PAPOLA: variants seen among roughly 807,000 people sequenced by gnomAD.
PAPOLA encodes poly(A) polymerase alpha.
A neutral mutation model predicts 100.6 loss-of-function variants in PAPOLA; 15 were observed. That is an observed-to-expected ratio of 0.15 (90% CI 0.10 to 0.23). The LOEUF is 0.23. Ranked by LOEUF, PAPOLA falls within the 10% of genes least tolerant of loss-of-function variation. PAPOLA has a pLI of 1.00. For missense variants in PAPOLA, 533 were observed against 884.2 expected, an observed-to-expected ratio of 0.60 and a Z score of 5.04; for synonymous variants, 293 against 300.0, an observed-to-expected ratio of 0.98 and a Z score of 0.24.
At chr14:96,510,743 A>G (rs1897059586) in intron 1 of PAPOLA, among the ~76,000 whole-genome samples, 1 of 152,224 alleles carries the variant, frequency 6.6e-6, no homozygotes, top group South Asian at 2.1e-4. Flanking sequence ...TTAAGAATAT[A>G]GTGGGATCTA....
At chr14:96,516,043 T>C (rs1008920602) in intron 1 of PAPOLA, among the ~76,000 whole-genome samples, 9 of 152,182 alleles carry the variant, frequency 5.9e-5, no homozygotes, top group African/African-American at 1.9e-4. Flanking sequence ...TATATAGTTT[T>C]GTTAGAAGGA....
intron 1 of PAPOLA, among the ~76,000 whole-genome samples, chr14:96,510,740 T>C (rs1897059023): frequency 6.6e-6 from 1 of 152,218 alleles, no homozygotes; most frequent in South Asian, 2.1e-4. Context: ...TTTTTAAGAA[T>C]ATAGTGGGAT....
Position 96,537,186 on chromosome 14 carries a change from A to G in PAPOLA, c.1115+126A>G, listed in dbSNP as rs546596394. 3 of 651,804 alleles carry G rather than the reference A, an allele frequency of 4.6e-6. No individual in the cohort carries two copies. The African/African-American group carries it at 5.5e-5, about 12-fold the overall frequency. 40.4% of individuals were successfully genotyped at this position (651,804 alleles called of 1,614,324 possible). On this transcript the variant is annotated intron_variant, in intron 12 of 21. Coordinates refer to ENST00000216277, the MANE Select transcript of PAPOLA (RefSeq NM_032632.5). The stretch of plus-strand genomic sequence containing the variant: ...GAATTTTCTTTCCTGTCACAAGGAC[A>G]TACTGTTTTAGTGAACTCCTTAGTT...
At chr14:96,542,455 C>T (rs943582258) in intron 13 of PAPOLA, 159 bp downstream of exon 13, 1 of 572,452 alleles carries the variant, frequency 1.7e-6, no homozygotes, top group African/African-American at 1.9e-5. Flanking sequence ...GTACAGAAAT[C>T]AGGAGATCCA....
At position 96,566,496 on chromosome 14, in the gene PAPOLA, T is replaced by G. The variant is rs773144502; in HGVS notation, c.*1446T>G. On this transcript the variant is annotated 3_prime_UTR_variant, in exon 22 of 22. Transcript: ENST00000216277. ...TTATGAATCCTCCATTGTGCTCCAT[T>G]CTATCACATGTGCATTTTTCATGTT... 8 of 152,584 alleles carry G rather than the reference T, an allele frequency of 5.2e-5. No individual in the cohort carries two copies. Among genetic ancestry groups the G allele is most frequent in the Non-Finnish European group, 1.0e-4 (7 of 68,012 alleles). The allele number at this position is 152,584 out of a possible 1,614,324, so 9.5% of individuals were successfully genotyped here. A position where few individuals can be genotyped will look rare whatever the true frequency, so the allele number is the denominator to read the frequency against.
At chr14:96,559,192 G>A (rs13379390) in intron 19 of PAPOLA, among the ~76,000 whole-genome samples, 39,837 of 151,634 alleles carry the variant, frequency 0.26, 5,730 homozygotes, top group African/African-American at 0.4. Flanking sequence ...TTCCAGTTAC[G>A]GATCTAGTTA....
At chr14:96,557,187 A>G (rs891692736) in intron 19 of PAPOLA, among the ~76,000 whole-genome samples, 1 of 152,124 alleles carries the variant, frequency 6.6e-6, no homozygotes, top group African/African-American at 2.4e-5. Flanking sequence ...CTGGGACTAC[A>G]GGTGCGCACC....
chr14:96,532,154 T>A (rs1338608498), intron 7 of PAPOLA, 177 bp from the exon 8 acceptor site: 1 of 1,381,166 alleles, frequency 7.2e-7, no homozygotes, highest in African/African-American at 1.5e-5. Context: ...CCCCTCTTTA[T>A]TGAATTAGCT....
chr14:96,565,765 A>G lies in PAPOLA; in HGVS notation c.*715A>G. ...ATACAAATCAGCGATCAGCCAGCAA[A>G]TATTTTTCTTTGAGCTTGTGAAAGC... On this transcript the variant is annotated 3_prime_UTR_variant, in exon 22 of 22. Coordinates refer to ENST00000216277, the MANE Select transcript of PAPOLA (RefSeq NM_032632.5). The G allele has an allele frequency of 2.5e-6, 1 of 398,220 alleles. No homozygotes were observed. The highest frequency in any genetic ancestry group is 4.4e-6 in the Non-Finnish European group (1 of 225,756). The allele number at this position is 398,220 out of a possible 1,614,324, so 24.7% of individuals were successfully genotyped here. A position where few individuals can be genotyped will look rare whatever the true frequency, so the allele number is the denominator to read the frequency against.
At chr14:96,504,998 TAC>T (rs1896612317) in intron 1 of PAPOLA, among the ~76,000 whole-genome samples, 1 of 152,182 alleles carries the variant, frequency 6.6e-6, no homozygotes, top group South Asian at 2.1e-4. Flanking sequence ...TTTAGGATAT[TAC>T]AGAACATTTT....
chr14:96,516,131 C>T (rs978579575), intron 1 of PAPOLA, among the ~76,000 whole-genome samples: 1 of 152,178 alleles, frequency 6.6e-6, no homozygotes, highest in Non-Finnish European at 1.5e-5. Flanking sequence ...ATCTTCACTT[C>T]CATTTAAAGT....
Position 96,511,060 on chromosome 14 carries a change from GT to G in PAPOLA, c.8+8463del, listed in dbSNP as rs1490016685. The stretch of plus-strand genomic sequence containing the variant: ...TGTTACTTTAAATAAGTTAACTGTA[GT>G]TTATCTGATTGGTTTCAAAGAAGAA... On this transcript the variant is annotated intron_variant, in intron 1 of 21. Coordinates refer to ENST00000216277, the MANE Select transcript of PAPOLA (RefSeq NM_032632.5). Among the ~76,000 whole-genome samples the G allele has an allele frequency of 9.2e-5, 14 of 152,336 alleles. No individual in the cohort carries two copies. In the East Asian group the frequency reaches 2.7e-3, roughly 29 times the overall value.
chr14:96,520,921 T>G, intron 2 of PAPOLA, 85 bp from the exon 3 acceptor site: 1 of 747,068 alleles, frequency 1.3e-6, no homozygotes, highest in Non-Finnish European at 2.4e-6. Flanking sequence ...AAACTCATAA[T>G]TTAGGAAGAA....
At chr14:96,515,760 A>G (rs1431173222) in intron 1 of PAPOLA, among the ~76,000 whole-genome samples, 2 of 152,336 alleles carry the variant, frequency 1.3e-5, no homozygotes, top group South Asian at 2.1e-4. Context: ...TACTGCAGCT[A>G]TATGTCTGGT....
At chr14:96,516,061 A>G (rs1237220952) in intron 1 of PAPOLA, among the ~76,000 whole-genome samples, 1 of 152,212 alleles carries the variant, frequency 6.6e-6, no homozygotes, top group East Asian at 1.9e-4. Flanking sequence ...GGAGAACAGC[A>G]ACAAAAAGAT....
At chr14:96,536,870 T>A in intron 11 of PAPOLA, 106 bp from the exon 12 acceptor site, 1 of 657,714 alleles carries the variant, frequency 1.5e-6, no homozygotes, top group Non-Finnish European at 2.8e-6. Flanking sequence ...TATGTTAAAA[T>A]TCTGGTTTTA....
intron 1 of PAPOLA, among the ~76,000 whole-genome samples, chr14:96,511,481 T>C (rs1423485123): frequency 1.3e-5 from 2 of 152,220 alleles, no homozygotes; most frequent in Admixed American, 6.5e-5. Flanking sequence ...GTTCTGTCCT[T>C]TTGTGTGTTA....
At chr14:96,503,661 A>G (rs1265295164) in intron 1 of PAPOLA, among the ~76,000 whole-genome samples, 1 of 152,146 alleles carries the variant, frequency 6.6e-6, no homozygotes, top group Non-Finnish European at 1.5e-5. Context: ...AAAACGCAAC[A>G]TGTAATTGAC....
At chr14:96,506,751 A>G (rs375709505) in intron 1 of PAPOLA, among the ~76,000 whole-genome samples, 4 of 152,262 alleles carry the variant, frequency 2.6e-5, no homozygotes, top group Middle Eastern at 3.2e-3. Context: ...CAGTGAACCC[A>G]TATTTTCCAA....
Sources: gnomAD v4.1 joint callset for allele counts (sites outside exome capture counted in the v4.1 genomes callset) on GRCh38, gnomAD v4.1.1 for gene constraint, MANE v1.5 for transcripts, NCBI Gene and HGNC (gene_info 2026-07-23, HGNC 2026-07-21) for gene names.